Variants in SLC2A13 observed in about 807,000 individuals in gnomAD.
SLC2A13 encodes the protein proton myo-inositol cotransporter.
A neutral mutation model predicts 64.4 loss-of-function variants in SLC2A13; 32 were observed. The observed-to-expected ratio is 0.50, with a 90% confidence interval of 0.37 to 0.67. The LOEUF (loss-of-function observed/expected upper bound fraction) is 0.67, where lower values mean the gene tolerates loss of function less well. Among genes scored for constraint, SLC2A13 ranks in the 30% least tolerant of loss-of-function variants. SLC2A13 has a pLI of 0.00. For synonymous variants in SLC2A13, 338 were observed against 327.1 expected (o/e 1.03, Z -0.36); for missense variants, 743 against 829.2 (o/e 0.90, Z 1.28).
rs377597234 is a variant in SLC2A13 at position 39,911,245 on chromosome 12, T to C, written c.1035-39284A>G. Among the ~76,000 whole-genome samples, 5 of 152,198 alleles carry C rather than the reference T, an allele frequency of 3.3e-5. No individual in the cohort carries two copies. In the East Asian group the frequency reaches 5.8e-4, roughly 18 times the overall value. ...CTTGGCAAGAACACGACTATATTTA[T>C]CTTAAAAAAAATGAGTTTTTAAAAA... On this transcript the variant is annotated intron_variant, in intron 4 of 9. Coordinates refer to ENST00000280871, the MANE Select transcript of SLC2A13 (RefSeq NM_052885.4).
At chr12:40,020,829 A>G (rs7969495) in intron 3 of SLC2A13, among the ~76,000 whole-genome samples, 17,824 of 152,028 alleles carry the variant, frequency 0.12, 1,393 homozygotes, top group Middle Eastern at 0.18. Flanking sequence ...TATCACCTAT[A>G]CTGAATGATG....
chr12:39,785,270 C>T (rs755081149), intron 7 of SLC2A13, among the ~76,000 whole-genome samples: 125 of 152,274 alleles, frequency 8.2e-4, no homozygotes, highest in Non-Finnish European at 1.4e-3. Context: ...ACTTGGTGCC[C>T]TGTGTCCCAG....
chr12:39,913,316 A>G (rs1000594491), intron 4 of SLC2A13, among the ~76,000 whole-genome samples: 1 of 152,106 alleles, frequency 6.6e-6, no homozygotes, highest in African/African-American at 2.4e-5. Context: ...TAGACCTTGT[A>G]ACTTAAAAAC....
rs565245896 is a variant in SLC2A13, at chr12:40,106,018, A to G, written c.-210T>C. ...CCGCGCTCCGACGCTGCGGAGTTGG[A>G]GCCCGGCGGGTCTCACTCCACACTC... is the stretch of plus-strand genomic sequence containing the variant. On this transcript the variant is annotated 5_prime_UTR_variant, in exon 1 of 10. Transcript: ENST00000280871. The G allele has an allele frequency of 1.4e-5, 7 of 506,428 alleles. No individual in the cohort carries two copies. In the East Asian group the frequency reaches 2.7e-4, roughly 19 times the overall value. The allele number at this position is 506,428 out of a possible 1,614,324, so 31.4% of individuals were successfully genotyped here. A position where few individuals can be genotyped will look rare whatever the true frequency, so the allele number is the denominator to read the frequency against.
chr12:40,085,410 A>C (rs1778350364), intron 1 of SLC2A13, among the ~76,000 whole-genome samples: 1 of 152,154 alleles, frequency 6.6e-6, no homozygotes, highest in African/African-American at 2.4e-5. Flanking sequence ...GGGTGGTGGC[A>C]GGTCTTGAGG....
chr12:40,096,345 T>G (rs1938942536), intron 1 of SLC2A13, among the ~76,000 whole-genome samples: 1 of 152,138 alleles, frequency 6.6e-6, no homozygotes, highest in South Asian at 2.1e-4. Flanking sequence ...TGTATTTTTC[T>G]TGTTGTATAC....
At chr12:39,851,479 G>T (rs561380889) in intron 6 of SLC2A13, among the ~76,000 whole-genome samples, 1 of 152,262 alleles carries the variant, frequency 6.6e-6, no homozygotes, top group East Asian at 1.9e-4. Flanking sequence ...TTAGTGTAAA[G>T]GTTAGTGATT....
At chr12:39,772,079 C>A (rs78864098) in intron 7 of SLC2A13, among the ~76,000 whole-genome samples, 2,127 of 152,174 alleles carry the variant, frequency 0.014, 45 homozygotes, top group African/African-American at 0.048. Flanking sequence ...TTTTCACTTT[C>A]CTCATTTATG....
chr12:40,021,493 G>A (rs969482197), intron 3 of SLC2A13, among the ~76,000 whole-genome samples: 6 of 152,164 alleles, frequency 3.9e-5, no homozygotes, highest in African/African-American at 1.4e-4. Context: ...TTAACATAAG[G>A]ATTGAGAATT....
Position 40,048,194 on chromosome 12 carries a change from T to C in SLC2A13, c.573A>G (p.Thr191=), listed in dbSNP as rs763748013. ...VGLGIGIASM[T]VPVYIAEVSP... Reference sequence around the variant, plus strand: ...AGACCTCCGCAATGTACACTGGCACTGTCATAGAAGCAATGCCTATAAAAA... The same window carrying C: ...AGACCTCCGCAATGTACACTGGCACCGTCATAGAAGCAATGCCTATAAAAA... The change falls in exon 2 of 10, where the codon ACA becomes ACG. Residue 191 remains threonine, a synonymous_variant. Transcript: ENST00000280871. The C allele has an allele frequency of 4.4e-6, 7 of 1,605,358 alleles. No homozygotes were observed. In the Admixed American group the frequency reaches 5.2e-5, roughly 12 times the overall value.
intron 6 of SLC2A13, among the ~76,000 whole-genome samples, chr12:39,835,205 G>A (rs1013344481): frequency 1.3e-5 from 2 of 152,030 alleles, no homozygotes; most frequent in Admixed American, 6.6e-5. Flanking sequence ...CTGGACTAAG[G>A]TCTAAATTCT....
intron 6 of SLC2A13, among the ~76,000 whole-genome samples, chr12:39,846,366 A>G (rs1379278647): frequency 1.3e-5 from 2 of 152,188 alleles, no homozygotes; most frequent in Non-Finnish European, 2.9e-5. Flanking sequence ...GTAGTGGTTA[A>G]GGGCTGAATT....
At chr12:39,838,370 T>C (rs1402191575) in intron 6 of SLC2A13, among the ~76,000 whole-genome samples, 3 of 136,052 alleles carry the variant, frequency 2.2e-5, no homozygotes, top group Non-Finnish European at 4.7e-5. Flanking sequence ...AGGGATAGCA[T>C]TGGGAGATAT....
chr12:39,944,771 G>T (rs1946107622), intron 4 of SLC2A13, among the ~76,000 whole-genome samples: 1 of 152,168 alleles, frequency 6.6e-6, no homozygotes, highest in Non-Finnish European at 1.5e-5. Flanking sequence ...CAGATAGTTG[G>T]TCTGTGAGTT....
chr12:39,868,167 A>G (rs1943954794), intron 5 of SLC2A13, among the ~76,000 whole-genome samples: 1 of 152,168 alleles, frequency 6.6e-6, no homozygotes, highest in Non-Finnish European at 1.5e-5. Flanking sequence ...AAGGCTTTGG[A>G]TGAAAGAATT....
chr12:39,981,116 T>C (rs1946884956), intron 3 of SLC2A13, among the ~76,000 whole-genome samples: 1 of 151,676 alleles, frequency 6.6e-6, no homozygotes, highest in Non-Finnish European at 1.5e-5. Context: ...AAGATGTTCT[T>C]TGAAACCAAC....
At chr12:39,871,992 T>C (rs1944068513) in intron 4 of SLC2A13, 31 bp from the exon 5 acceptor site, 3 of 1,503,970 alleles carry the variant, frequency 2.0e-6, no homozygotes, top group African/African-American at 2.8e-5. Flanking sequence ...CAATTGCTAT[T>C]GATAGTTACC....
chr12:39,906,939 G>A (rs916804226), intron 4 of SLC2A13, among the ~76,000 whole-genome samples: 11 of 152,008 alleles, frequency 7.2e-5, no homozygotes, highest in African/African-American at 2.7e-4. Flanking sequence ...ATTTTTATTT[G>A]ATTCTTTTTA....
intron 4 of SLC2A13, among the ~76,000 whole-genome samples, chr12:39,896,328 G>A (rs1211465897): frequency 7.2e-6 from 1 of 138,780 alleles, no homozygotes; most frequent in Non-Finnish European, 1.5e-5. Flanking sequence ...ATGTATATGT[G>A]TATATATGTA....
Sources: allele counts gnomAD v4.1 joint callset (sites outside exome capture counted in the v4.1 genomes callset), GRCh38; gene constraint gnomAD v4.1.1; transcripts MANE v1.5; gene names NCBI Gene and HGNC (gene_info 2026-07-23, HGNC 2026-07-21).